The following ATRNL1 variants were observed in gnomAD, a reference collection of about 807,000 sequenced individuals.
The protein encoded by ATRNL1 is attractin-like protein 1.
Under a neutral mutation model 182.7 loss-of-function variants are expected in ATRNL1, and 95 were observed. The ratio of observed to expected loss-of-function variants is 0.52; its 90% CI spans 0.44 to 0.62. ATRNL1 has a LOEUF of 0.62. ATRNL1 is among the 20% of genes least tolerant of loss of function. The pLI is 0.00. For missense variants in ATRNL1, 1,471 were observed against 1,679.5 expected, an observed-to-expected ratio of 0.88 and a Z score of 2.17; for synonymous variants, 576 against 568.3, an observed-to-expected ratio of 1.01 and a Z score of -0.19.
At chr10:115,295,555 T>C (rs1853139609) in intron 15 of ATRNL1, among the ~76,000 whole-genome samples, 1 of 152,040 alleles carries the variant, frequency 6.6e-6, no homozygotes, top group South Asian at 2.1e-4. Flanking sequence ...CCTGGAGAGG[T>C]TGCAATGTGG....
At chr10:115,610,741 C>T (rs781936788) in intron 26 of ATRNL1, among the ~76,000 whole-genome samples, 11 of 151,938 alleles carry the variant, frequency 7.2e-5, no homozygotes, top group South Asian at 4.1e-4. Context: ...CCTAAGCACA[C>T]GATAAATGTT....
chr10:115,921,616 T>G (rs1393113940), intron 28 of ATRNL1, among the ~76,000 whole-genome samples: 2 of 152,208 alleles, frequency 1.3e-5, no homozygotes, highest in African/African-American at 2.4e-5. Flanking sequence ...TAGCTGTAGC[T>G]CTTCTTCTTT....
chr10:115,614,178 C>T (rs1409769032), intron 26 of ATRNL1, among the ~76,000 whole-genome samples: 2 of 152,012 alleles, frequency 1.3e-5, no homozygotes, highest in Non-Finnish European at 2.9e-5. Context: ...AAACGTCCGT[C>T]ATAGTACTGC....
intron 1 of ATRNL1, among the ~76,000 whole-genome samples, chr10:115,119,256 G>GT (rs142914939): frequency 6.6e-6 from 1 of 151,934 alleles, no homozygotes; most frequent in Non-Finnish European, 1.5e-5. Context: ...GTAAATTAAA[G>GT]TTTTTCCCCC....
At chr10:115,336,843 ATT>A (rs1159634964) in intron 19 of ATRNL1, among the ~76,000 whole-genome samples, 3 of 149,098 alleles carry the variant, frequency 2.0e-5, no homozygotes, top group African/African-American at 7.4e-5. Context: ...CAACTGTCTG[ATT>A]TTTTTTTCTT....
chr10:115,906,478 T>G (rs185668078), intron 28 of ATRNL1, among the ~76,000 whole-genome samples: 13 of 152,280 alleles, frequency 8.5e-5, no homozygotes, highest in African/African-American at 3.1e-4. Context: ...CTCTGTGTCT[T>G]GTTTTCCTCC....
At chr10:115,437,883 A>G (rs1846476927) in intron 21 of ATRNL1, among the ~76,000 whole-genome samples, 1 of 152,004 alleles carries the variant, frequency 6.6e-6, no homozygotes. Flanking sequence ...TTTAATTCAC[A>G]GAGCAGTCCT....
At chr10:115,131,911 A>C (rs1192179073) in intron 5 of ATRNL1, among the ~76,000 whole-genome samples, 1 of 152,052 alleles carries the variant, frequency 6.6e-6, no homozygotes, top group Non-Finnish European at 1.5e-5. Context: ...GCTTTATATT[A>C]AGTCCTTTTT....
At chr10:115,145,213 T>C (rs557712288) in intron 5 of ATRNL1, among the ~76,000 whole-genome samples, 2 of 152,308 alleles carry the variant, frequency 1.3e-5, no homozygotes, top group Non-Finnish European at 2.9e-5. Flanking sequence ...AAGGGTTATA[T>C]AAGGAGATGG....
chr10:115,364,521 T>C (rs1182666568), intron 19 of ATRNL1, among the ~76,000 whole-genome samples: 3 of 148,096 alleles, frequency 2.0e-5, no homozygotes, highest in African/African-American at 7.6e-5. Context: ...TTCCTTCTCC[T>C]GCCTAATTGC....
At chr10:115,387,211 A>G (rs1858413162) in intron 19 of ATRNL1, among the ~76,000 whole-genome samples, 1 of 152,130 alleles carries the variant, frequency 6.6e-6, no homozygotes, top group African/African-American at 2.4e-5. Context: ...AGATGAGTAA[A>G]CAAGCTAGCT....
intron 10 of ATRNL1, among the ~76,000 whole-genome samples, chr10:115,244,108 A>G (rs1850530976): frequency 6.6e-6 from 1 of 152,166 alleles, no homozygotes; most frequent in Admixed American, 6.5e-5. Flanking sequence ...AGGAAACAGA[A>G]AAAGTGTCAT....
chr10:115,602,631 A>G (rs554003590), intron 26 of ATRNL1, among the ~76,000 whole-genome samples: 1 of 152,158 alleles, frequency 6.6e-6, no homozygotes, highest in African/African-American at 2.4e-5. Context: ...TGGGAGGCCA[A>G]GGTGGGTGGA....
chr10:115,593,642 G>A (rs950969645), intron 26 of ATRNL1, among the ~76,000 whole-genome samples: 1 of 152,158 alleles, frequency 6.6e-6, no homozygotes, highest in Non-Finnish European at 1.5e-5. Flanking sequence ...CATTGTATGT[G>A]TGGAAATTAT....
At chr10:115,244,500 G>A (rs2133826032) in intron 10 of ATRNL1, among the ~76,000 whole-genome samples, 1 of 152,210 alleles carries the variant, frequency 6.6e-6, no homozygotes, top group Middle Eastern at 3.4e-3. Flanking sequence ...GGGCATCTAT[G>A]TTTTTTAAAA....
intron 26 of ATRNL1, among the ~76,000 whole-genome samples, chr10:115,666,038 A>G (rs1223211306): frequency 6.6e-6 from 1 of 152,136 alleles, no homozygotes; most frequent in East Asian, 1.9e-4. Flanking sequence ...TTTGATTATG[A>G]TAAATATAAA....
At chr10:115,342,616 A>G (rs1318970376) in intron 19 of ATRNL1, among the ~76,000 whole-genome samples, 1 of 152,046 alleles carries the variant, frequency 6.6e-6, no homozygotes, top group Admixed American at 6.5e-5. Flanking sequence ...GGATAAGAGT[A>G]TTTTACTCAC....
chr10:115,540,771 A>G (rs1230124867), intron 25 of ATRNL1, among the ~76,000 whole-genome samples: 1 of 141,758 alleles, frequency 7.1e-6, no homozygotes, highest in Non-Finnish European at 1.5e-5. Flanking sequence ...AAAAAAAAAA[A>G]AGGGGGGAGG....
At chr10:115,749,297 C>A (rs1555070032) in intron 27 of ATRNL1, among the ~76,000 whole-genome samples, 1 of 151,434 alleles carries the variant, frequency 6.6e-6, no homozygotes, top group Non-Finnish European at 1.5e-5. Flanking sequence ...CCAATAATTC[C>A]AAAACAAAGA....
Sources: allele counts gnomAD v4.1 joint callset (sites outside exome capture counted in the v4.1 genomes callset), GRCh38; gene constraint gnomAD v4.1.1; transcripts MANE v1.5; gene names NCBI Gene and HGNC (gene_info 2026-07-23, HGNC 2026-07-21).